The following NTRK2 variants were observed in gnomAD, a reference collection of about 807,000 sequenced individuals.
NTRK2 encodes the protein neurotrophic receptor tyrosine kinase 2.
In NTRK2, 13 loss-of-function variants were observed where a neutral mutation model predicts 94.5. That is an observed-to-expected ratio of 0.14 (90% CI 0.09 to 0.22). The LOEUF is 0.22. Among genes scored for constraint, NTRK2 ranks in the 10% least tolerant of loss-of-function variants. The pLI is 1.00. For missense variants in NTRK2, 639 were observed against 1,071.2 expected, an observed-to-expected ratio of 0.60 and a Z score of 5.63; for synonymous variants, 372 against 407.4, an observed-to-expected ratio of 0.91 and a Z score of 1.05.
At position 84,798,937 on chromosome 9, in the gene NTRK2, TA is replaced by T. The variant is rs1179911038; in HGVS notation, c.1396+46853del. 2.7e-3 allele frequency among the ~76,000 whole-genome samples: 284 copies of T among 106,396 alleles called. 5 individuals are homozygous for T. Among genetic ancestry groups the T allele is most frequent in the Middle Eastern group, 0.011 (2 of 186 alleles). 69.8% of individuals were successfully genotyped at this position (106,396 alleles called of 152,430 possible). ...CTATATATATATATATATATATATA[TA>T]TATGCTTATTTAATCTGCACATCAG... On this transcript the variant is annotated intron_variant, in intron 12 of 18. Coordinates refer to ENST00000277120, the MANE Select transcript of NTRK2 (RefSeq NM_006180.6).
intron 12 of NTRK2, among the ~76,000 whole-genome samples, chr9:84,849,472 G>A (rs577691924): frequency 1.3e-5 from 2 of 152,172 alleles, no homozygotes; most frequent in Admixed American, 6.5e-5. Context: ...ATGGATCCGT[G>A]CTATACCAAA....
At chr9:84,923,562 G>A (rs2077638418) in intron 14 of NTRK2, among the ~76,000 whole-genome samples, 1 of 152,102 alleles carries the variant, frequency 6.6e-6, no homozygotes, top group African/African-American at 2.4e-5. Context: ...CTTCCACCAT[G>A]GGAACATTCT....
intron 14 of NTRK2, among the ~76,000 whole-genome samples, chr9:84,925,095 T>C (rs913272939): frequency 6.6e-6 from 1 of 152,028 alleles, no homozygotes; most frequent in African/African-American, 2.4e-5. Flanking sequence ...AAATCTCTCT[T>C]CTCTGTTCAG....
At chr9:84,957,401 T>G (rs953725099) in intron 17 of NTRK2, among the ~76,000 whole-genome samples, 3 of 152,170 alleles carry the variant, frequency 2.0e-5, no homozygotes, top group Admixed American at 2.0e-4. Context: ...ACCTAAAATC[T>G]CAACAATAAA....
chr9:84,987,836 ACAT>A (rs1828518283), intron 17 of NTRK2, among the ~76,000 whole-genome samples: 1 of 152,216 alleles, frequency 6.6e-6, no homozygotes, highest in African/African-American at 2.4e-5. Flanking sequence ...ATGTTGCCCT[ACAT>A]GTAACTAATG....
Position 84,746,666 on chromosome 9 carries a change from G to A in NTRK2, c.1296+1593G>A, listed in dbSNP as rs116072400. 8.6e-3 allele frequency among the ~76,000 whole-genome samples: 1,304 copies of A among 152,026 alleles called. 20 individuals carry two copies. Among genetic ancestry groups the A allele is most frequent in the African/African-American group, 0.03 (1,243 of 41,462 alleles). ...CGAGCTCTCTGACTTCATCTCCCAC[G>A]CTCTTCTTACTGCTTGCCACCTGCC... On this transcript the variant is annotated intron_variant, in intron 11 of 18. Transcript: ENST00000277120.
At chr9:84,816,309 T>G (rs960445835) in intron 12 of NTRK2, among the ~76,000 whole-genome samples, 2 of 152,090 alleles carry the variant, frequency 1.3e-5, no homozygotes, top group African/African-American at 4.8e-5. Flanking sequence ...TTTTTCCCAT[T>G]GAAAACAGGA....
At chr9:84,796,408 G>C (rs1430897871) in intron 12 of NTRK2, among the ~76,000 whole-genome samples, 3 of 152,126 alleles carry the variant, frequency 2.0e-5, no homozygotes, top group African/African-American at 7.2e-5. Context: ...AGTGGCCAGA[G>C]TTATGTCACG....
At chr9:84,726,030 C>T (rs756849936) in intron 8 of NTRK2, among the ~76,000 whole-genome samples, 2 of 152,094 alleles carry the variant, frequency 1.3e-5, no homozygotes, top group Non-Finnish European at 2.9e-5. Context: ...TACCTGAATA[C>T]AAGTAAGGGG....
At position 85,024,471 on chromosome 9, in the gene NTRK2, T is replaced by C. The variant is rs1364977925; in HGVS notation, c.*3034T>C. On this transcript the variant is annotated 3_prime_UTR_variant, in exon 19 of 19. Coordinates refer to ENST00000277120, the MANE Select transcript of NTRK2 (RefSeq NM_006180.6). Reference sequence around the variant, plus strand: ...ACACTTTCCATGTGTGTTAGCAAATTATTCCTATTTTGTGTAGATGAGGAC... The same window carrying C: ...ACACTTTCCATGTGTGTTAGCAAATCATTCCTATTTTGTGTAGATGAGGAC... The C allele has an allele frequency of 4.3e-6, 1 of 232,924 alleles. No individual in the cohort carries two copies. The highest frequency in any genetic ancestry group is 5.6e-5 in the Admixed American group (1 of 17,776). The allele number at this position is 232,924 out of a possible 1,614,324, so 14.4% of individuals were successfully genotyped here. A position where few individuals can be genotyped will look rare whatever the true frequency, so the allele number is the denominator to read the frequency against.
intron 2 of NTRK2, among the ~76,000 whole-genome samples, chr9:84,690,351 G>T (rs2059971190): frequency 6.6e-6 from 1 of 152,138 alleles, no homozygotes; most frequent in Admixed American, 6.6e-5. Flanking sequence ...CTTGTGAAAT[G>T]ATTTGTCCTG....
intron 14 of NTRK2, among the ~76,000 whole-genome samples, chr9:84,915,473 C>T (rs2132526825): frequency 6.6e-6 from 1 of 152,268 alleles, no homozygotes; most frequent in East Asian, 1.9e-4. Context: ...CTCTTGCTGC[C>T]ACTCTTTCTA....
chr9:84,781,865 C>T (rs531556844), intron 12 of NTRK2, among the ~76,000 whole-genome samples: 6 of 152,072 alleles, frequency 3.9e-5, no homozygotes, highest in Non-Finnish European at 5.9e-5. Flanking sequence ...ATTTCTCTAG[C>T]GTCTTTCTTT....
intron 12 of NTRK2, among the ~76,000 whole-genome samples, chr9:84,820,219 G>T (rs146647225): frequency 6.7e-6 from 1 of 149,114 alleles, no homozygotes; most frequent in Non-Finnish European, 1.5e-5. Flanking sequence ...GCTCAGGCTG[G>T]AGTGCAGTGG....
intron 14 of NTRK2, 142 bp from the exon 15 acceptor site, chr9:84,934,020 G>C: frequency 1.2e-6 from 1 of 841,300 alleles, no homozygotes; most frequent in South Asian, 1.4e-5. Flanking sequence ...TGTGAAGATG[G>C]ACACCCAGCT....
intron 6 of NTRK2, among the ~76,000 whole-genome samples, chr9:84,719,856 C>T (rs2061946850): frequency 6.6e-6 from 1 of 151,460 alleles, no homozygotes; most frequent in Admixed American, 6.6e-5. Context: ...GCATCTCTAC[C>T]AAAAATACAA....
chr9:84,971,998 G>A (rs1248347653), intron 17 of NTRK2, among the ~76,000 whole-genome samples: 1 of 152,128 alleles, frequency 6.6e-6, no homozygotes, highest in East Asian at 1.9e-4. Context: ...ATTCAGCTGG[G>A]TGCATTAAAT....
intron 14 of NTRK2, among the ~76,000 whole-genome samples, chr9:84,897,339 G>A (rs867854221): frequency 6.6e-6 from 1 of 152,126 alleles, no homozygotes; most frequent in African/African-American, 2.4e-5. Context: ...GGTTCAACAT[G>A]TTGGCCAGGA....
At chr9:84,737,669 G>A (rs562820889) in intron 9 of NTRK2, among the ~76,000 whole-genome samples, 5 of 152,108 alleles carry the variant, frequency 3.3e-5, no homozygotes, top group African/African-American at 4.8e-5. Context: ...TTTTAGAATC[G>A]GGGTGCATGT....
Sources: allele counts gnomAD v4.1 joint callset (sites outside exome capture counted in the v4.1 genomes callset), GRCh38; gene constraint gnomAD v4.1.1; transcripts MANE v1.5; gene names NCBI Gene and HGNC (gene_info 2026-07-23, HGNC 2026-07-21).